Variants in CDH12 observed in about 807,000 individuals in gnomAD.
CDH12 encodes the protein cadherin-12.
In CDH12, 41 loss-of-function variants were observed where a neutral mutation model predicts 74.1. The ratio of observed to expected loss-of-function variants is 0.55; its 90% CI spans 0.43 to 0.72. The LOEUF is 0.72. CDH12 is among the 30% of genes least tolerant of loss of function. CDH12 has a pLI of 0.00. For missense variants in CDH12, 945 were observed against 977.2 expected (o/e 0.97, Z 0.44); for synonymous variants, 399 against 355.0 (o/e 1.12, Z -1.39).
At chr5:22,515,104 C>T (rs754761773) in intron 1 of CDH12, among the ~76,000 whole-genome samples, 1 of 152,012 alleles carries the variant, frequency 6.6e-6, no homozygotes, top group Non-Finnish European at 1.5e-5. Flanking sequence ...TACCAATATT[C>T]ATTATATGTA....
Position 22,633,253 on chromosome 5 carries a change from A to G in CDH12, c.-522-127889T>C, listed in dbSNP as rs140686275. On this transcript the variant is annotated intron_variant, in intron 1 of 14. Transcript: ENST00000382254. ...GAATAATAACATGAATAAACAAAAGATAATAAAGAATCAGGTGAAGGCAAA... is the reference window on the plus strand; with the variant it reads ...GAATAATAACATGAATAAACAAAAGGTAATAAAGAATCAGGTGAAGGCAAA... 3.6e-3 allele frequency among the ~76,000 whole-genome samples: 548 copies of G among 152,294 alleles called. 1 individual carries two copies. The highest frequency in any genetic ancestry group is 0.01 in the African/African-American group (423 of 41,576).
chr5:22,274,875 T>C (rs1197595786), intron 3 of CDH12, among the ~76,000 whole-genome samples: 1 of 152,174 alleles, frequency 6.6e-6, no homozygotes, highest in East Asian at 1.9e-4. Context: ...TGAAATGATT[T>C]TCATTTCTTG....
At chr5:22,219,307 C>T (rs966507298) in intron 3 of CDH12, among the ~76,000 whole-genome samples, 11 of 151,584 alleles carry the variant, frequency 7.3e-5, no homozygotes, top group African/African-American at 2.2e-4. Context: ...TGGCTCTAAA[C>T]GGATCTTCCT....
intron 1 of CDH12, among the ~76,000 whole-genome samples, chr5:22,826,372 C>T (rs1038940581): frequency 6.6e-6 from 1 of 152,024 alleles, no homozygotes; most frequent in African/African-American, 2.4e-5. Flanking sequence ...TGTAAATGGC[C>T]CAGTTTCTGG....
intron 4 of CDH12, among the ~76,000 whole-genome samples, chr5:22,202,224 T>C (rs990135639): frequency 1.5e-5 from 2 of 137,864 alleles, no homozygotes; most frequent in African/African-American, 5.4e-5. Context: ...AGTTACTACC[T>C]CTGTGACAGA....
intron 4 of CDH12, among the ~76,000 whole-genome samples, chr5:22,209,013 T>C (rs1168015984): frequency 6.6e-6 from 1 of 152,358 alleles, no homozygotes; most frequent in Admixed American, 6.5e-5. Context: ...ATCATATTTG[T>C]AGTCATTGTG....
At chr5:22,043,900 A>T (rs949129155) in intron 5 of CDH12, among the ~76,000 whole-genome samples, 2 of 152,160 alleles carry the variant, frequency 1.3e-5, no homozygotes, top group Non-Finnish European at 2.9e-5. Flanking sequence ...AGAGCTACAC[A>T]CTGAAGACTT....
At position 21,830,135 on chromosome 5, in the gene CDH12, G is replaced by A. The variant is rs565364236; in HGVS notation, c.814+12026C>T. Among the ~76,000 whole-genome samples the A allele has an allele frequency of 2.8e-4, 38 of 138,090 alleles. 1 individual carries two copies. Among genetic ancestry groups the A allele is most frequent in the African/African-American group, 9.1e-4 (34 of 37,172 alleles). The allele number at this position is 138,090 out of a possible 152,430, so 90.6% of individuals were successfully genotyped here. The stretch of plus-strand genomic sequence containing the variant: ...AATCACTTAAACCCAGGAGGTGGAG[G>A]TTGCAGTGAGTCAAGATCCCACCAT... On this transcript the variant is annotated intron_variant, in intron 8 of 14. Transcript: ENST00000382254.
rs1328454293 is a variant in CDH12 at position 22,244,517 on chromosome 5, AAAAAAAAAAAAAAAAAGAAGAAG to A, written c.-332-31897_-332-31875del. ...CTCAAAAAAAAAAAAAAAAAAAAAAAAAAAAAAAAAAAAAAAGAAGAAGAAGAAGAAGAAGAAGAAAGAGAGAA... is the reference window on the plus strand; with the variant it reads ...CTCAAAAAAAAAAAAAAAAAAAAAAAAAGAAGAAGAAGAAGAAAGAGAGAA... On this transcript the variant is annotated intron_variant, in intron 3 of 14. Transcript: ENST00000382254. 3.6e-4 allele frequency among the ~76,000 whole-genome samples: 14 copies of A among 38,694 alleles called. 1 individual carries two copies. The East Asian group carries it at 4.5e-3, about 12-fold the overall frequency. The allele number at this position is 38,694 out of a possible 152,430, so 25.4% of individuals were successfully genotyped here. A position where few individuals can be genotyped will look rare whatever the true frequency, so the allele number is the denominator to read the frequency against.
chr5:22,140,208 C>T (rs1746706867), intron 4 of CDH12, among the ~76,000 whole-genome samples: 1 of 151,948 alleles, frequency 6.6e-6, no homozygotes, highest in Admixed American at 6.6e-5. Flanking sequence ...CACATATTAC[C>T]TTTCTCCAAG....
intron 6 of CDH12, among the ~76,000 whole-genome samples, chr5:21,876,286 C>A (rs1261084617): frequency 6.6e-6 from 1 of 152,088 alleles, no homozygotes; most frequent in Non-Finnish European, 1.5e-5. Context: ...TGACTCTCCC[C>A]CTGAGTCTCT....
intron 6 of CDH12, among the ~76,000 whole-genome samples, chr5:21,870,164 G>A (rs543756315): frequency 1.8e-4 from 27 of 152,322 alleles, no homozygotes; most frequent in Non-Finnish European, 3.2e-4. Context: ...CCCCAGCCAT[G>A]TGAAACTGTA....
In CDH12 at chr5:21,817,069, G is replaced by C; in HGVS notation, c.878C>G (p.Ala293Gly). The C allele has an allele frequency of 6.2e-7, 1 of 1,612,680 alleles. No homozygotes were observed. The highest frequency in any genetic ancestry group is 8.5e-7 in the Non-Finnish European group (1 of 1,179,180). ...PIGSAIGRIR[A>G]VDPDFGQNAE... ...ATTTTGTCCAAAATCAGGATCCACA[G>C]CTCTTATTCTTCCAATAGCTGAACC... The change falls in exon 9 of 15, where the codon GCT (alanine) becomes GGT (glycine). Residue 293 changes from alanine to glycine, a missense_variant. Around this residue, in one of 3 missense-constraint regions of CDH12, gnomAD observed 791 missense variants for 792.8 expected, o/e 1.00. Coordinates refer to ENST00000382254, the MANE Select transcript of CDH12 (RefSeq NM_004061.5).
chr5:21,855,413 T>C (rs898188596), intron 6 of CDH12, among the ~76,000 whole-genome samples: 4 of 151,670 alleles, frequency 2.6e-5, no homozygotes, highest in African/African-American at 9.7e-5. Flanking sequence ...CTAATTTTTT[T>C]TTGGCATGGG....
At chr5:22,802,513 C>T (rs911212175) in intron 1 of CDH12, among the ~76,000 whole-genome samples, 1 of 152,044 alleles carries the variant, frequency 6.6e-6, no homozygotes, top group Non-Finnish European at 1.5e-5. Context: ...GGGTCAAGAG[C>T]CCTCAGTCAC....
At chr5:21,994,296 A>C (rs909128971) in intron 5 of CDH12, among the ~76,000 whole-genome samples, 1 of 142,866 alleles carries the variant, frequency 7.0e-6, no homozygotes, top group African/African-American at 3.0e-5. Flanking sequence ...AGGGAGACAG[A>C]GGTAAGAAAA....
At chr5:21,910,820 T>A (rs1311953087) in intron 6 of CDH12, among the ~76,000 whole-genome samples, 2 of 152,044 alleles carry the variant, frequency 1.3e-5, no homozygotes, top group Non-Finnish European at 2.9e-5. Flanking sequence ...CCCTCTTCTG[T>A]GCTAGGAAGA....
At chr5:22,386,029 A>T (rs2126401675) in intron 3 of CDH12, among the ~76,000 whole-genome samples, 1 of 151,408 alleles carries the variant, frequency 6.6e-6, no homozygotes, top group African/African-American at 2.4e-5. Context: ...AGTAGCTGGG[A>T]TTACAGGCAT....
intron 2 of CDH12, among the ~76,000 whole-genome samples, chr5:22,445,351 A>G (rs1446776628): frequency 6.6e-6 from 1 of 152,104 alleles, no homozygotes. Context: ...CAGGACATGA[A>G]GAGCACAGTC....
Sources: allele counts gnomAD v4.1 joint callset (sites outside exome capture counted in the v4.1 genomes callset), GRCh38; gene constraint gnomAD v4.1.1; regional missense constraint gnomAD v4.1.1; transcripts MANE v1.5; gene names NCBI Gene and HGNC (gene_info 2026-07-23, HGNC 2026-07-21).